Variants in PCDHGA2 observed in about 807,000 individuals in gnomAD.
PCDHGA2 encodes protocadherin gamma subfamily A, 2, also known as protocadherin gamma-A2.
PCDHGA2 carries 40 observed loss-of-function variants against 59.2 expected under a neutral mutation model. That is an observed-to-expected ratio of 0.68 (90% CI 0.52 to 0.88). The LOEUF (loss-of-function observed/expected upper bound fraction) is 0.88. Ranked by LOEUF, PCDHGA2 falls within the 40% of genes least tolerant of loss-of-function variation. The pLI, the probability that PCDHGA2 is intolerant of heterozygous loss-of-function variation, is 0.00. For missense variants in PCDHGA2, 1,226 were observed against 1,204.0 expected, an observed-to-expected ratio of 1.02 and a Z score of -0.27; for synonymous variants, 560 against 526.0, an observed-to-expected ratio of 1.06 and a Z score of -0.89.
intron 1 of PCDHGA2, chr5:141,384,650 C>T (rs1213467381): frequency 6.2e-7 from 1 of 1,614,104 alleles, no homozygotes; most frequent in East Asian, 2.2e-5. Context: ...TCCGCAGAGC[C>T]CGGCTACCTG....
Position 141,476,443 on chromosome 5 carries a change from G to A in PCDHGA2, c.2425-18364G>A, listed in dbSNP as rs752285213. 1 of 1,614,044 alleles carries A rather than the reference G, an allele frequency of 6.2e-7. No individual in the cohort carries two copies. The highest frequency in any genetic ancestry group is 8.5e-7 in the Non-Finnish European group (1 of 1,180,038). ...TGCCCTCTTGCACTGTAACTCTGGAGTTGGTAGTGGAGAACCCGCTGGAGC... is the reference window on the plus strand; with the variant it reads ...TGCCCTCTTGCACTGTAACTCTGGAATTGGTAGTGGAGAACCCGCTGGAGC... On this transcript the variant is annotated intron_variant, in intron 1 of 3. Transcript: ENST00000394576. This position sits in a 1 kb window ranked among gnomAD's most constrained non-coding sequence, Gnocchi z 7.6.
At chr5:141,473,169 C>T (rs141382764) in intron 1 of PCDHGA2, among the ~76,000 whole-genome samples, 2 of 152,286 alleles carry the variant, frequency 1.3e-5, no homozygotes, top group East Asian at 3.9e-4. Context: ...GGAAGGCCCA[C>T]TGGTAACTTG....
At chr5:141,492,404 T>C (rs944864208) in intron 1 of PCDHGA2, among the ~76,000 whole-genome samples, 9 of 152,316 alleles carry the variant, frequency 5.9e-5, no homozygotes, top group African/African-American at 1.9e-4. Context: ...GCAGCTCCCC[T>C]CTGCCGCTCC....
rs761489686 is a variant in PCDHGA2, at chr5:141,339,658, C to T, written c.687C>T (p.Cys229=). The T allele has an allele frequency of 1.2e-6, 2 of 1,614,170 alleles. No individual in the cohort carries two copies. The highest frequency in any genetic ancestry group is 1.1e-5 in the South Asian group (1 of 91,072). The change falls in exon 1 of 4, where the codon TGC becomes TGT. Residue 229 remains cysteine (C), a synonymous_variant. Coordinates refer to ENST00000394576, the MANE Select transcript of PCDHGA2 (RefSeq NM_018915.4). Reference sequence around the variant, plus strand: ...TGCTATCTGGCACCTCCCGCATCTGCGTGAAGGTCCTGGATGCGAACGACA... The same window carrying T: ...TGCTATCTGGCACCTCCCGCATCTGTGTGAAGGTCCTGGATGCGAACGACA... ...DPVLSGTSRI[C]VKVLDANDNA...
rs758674133 is a variant in PCDHGA2 at position 141,371,791 on chromosome 5, C to T, written c.2424+30396C>T. 1.9e-6 allele frequency: 3 copies of T among 1,613,820 alleles called. No homozygotes were observed. In the African/African-American group the frequency reaches 4.0e-5, roughly 22 times the overall value. The stretch of plus-strand genomic sequence containing the variant: ...ACCGTGCATGTAGCTGAGAACAATC[C>T]GCCTGGAGCCTCCATTGCGCATGTC... On this transcript the variant is annotated intron_variant, in intron 1 of 3. Coordinates refer to ENST00000394576, the MANE Select transcript of PCDHGA2 (RefSeq NM_018915.4).
intron 2 of PCDHGA2, among the ~76,000 whole-genome samples, chr5:141,498,789 C>T (rs1302940884): frequency 6.6e-6 from 1 of 151,980 alleles, no homozygotes; most frequent in Non-Finnish European, 1.5e-5. Context: ...AAATATTAGC[C>T]AGGTGTGGTG....
At chr5:141,382,816 T>G (rs1778462841) in intron 1 of PCDHGA2, 1 of 1,275,448 alleles carries the variant, frequency 7.8e-7, no homozygotes, top group Non-Finnish European at 1.1e-6. Context: ...CTCCCCTTCC[T>G]AAGACAGAGG....
At chr5:141,447,214 A>G (rs2098530358) in intron 1 of PCDHGA2, among the ~76,000 whole-genome samples, 1 of 152,092 alleles carries the variant, frequency 6.6e-6, no homozygotes, top group Admixed American at 6.6e-5. Context: ...ATCTCGGCTC[A>G]CTGCAACCTC....
intron 2 of PCDHGA2, among the ~76,000 whole-genome samples, chr5:141,495,175 C>A (rs1337353259): frequency 6.6e-6 from 1 of 152,300 alleles, no homozygotes; most frequent in Middle Eastern, 3.4e-3. Flanking sequence ...TGGGTGAAAG[C>A]GAGGCTTTCT....
intron 1 of PCDHGA2, chr5:141,385,194 G>A (rs1274561417): frequency 1.2e-6 from 2 of 1,614,124 alleles, no homozygotes; most frequent in Non-Finnish European, 1.7e-6. Flanking sequence ...ACTCTCGGAA[G>A]AGTCACCTGA....
chr5:141,419,809 A>G (rs1181621732), intron 1 of PCDHGA2: 2 of 1,613,916 alleles, frequency 1.2e-6, no homozygotes, highest in African/African-American at 2.7e-5. Flanking sequence ...GAGATGGAGG[A>G]CAGCCACCCC....
intron 2 of PCDHGA2, among the ~76,000 whole-genome samples, chr5:141,502,024 C>T (rs2099812413): frequency 2.0e-5 from 3 of 152,152 alleles, no homozygotes; most frequent in Admixed American, 1.3e-4. Context: ...TCCCTGCAAC[C>T]CCCGCCGCTT....
chr5:141,505,653 G>A (rs1049630228), intron 3 of PCDHGA2, among the ~76,000 whole-genome samples, 172 bp downstream of exon 3: 1 of 152,184 alleles, frequency 6.6e-6, no homozygotes, highest in Non-Finnish European at 1.5e-5. Context: ...TTGTGGCTAA[G>A]GAACAGCAGA....
chr5:141,405,815 T>C (rs755764286), intron 1 of PCDHGA2, among the ~76,000 whole-genome samples: 14 of 103,812 alleles, frequency 1.3e-4, no homozygotes, highest in Non-Finnish European at 2.3e-4. Flanking sequence ...TCTTTAACTG[T>C]CTGTACTTAA....
chr5:141,395,093 C>T (rs1372671941), intron 1 of PCDHGA2: 1 of 1,614,158 alleles, frequency 6.2e-7, no homozygotes, highest in Non-Finnish European at 8.5e-7. Flanking sequence ...TCTCCCTCAC[C>T]GCCGACTCGC....
intron 1 of PCDHGA2, among the ~76,000 whole-genome samples, chr5:141,472,648 C>G (rs762736307): frequency 1.3e-5 from 2 of 151,864 alleles, no homozygotes; most frequent in African/African-American, 4.8e-5. Flanking sequence ...TGTGTTGAAT[C>G]AGTATATAAA....
intron 1 of PCDHGA2, chr5:141,409,138 A>T: frequency 6.2e-7 from 1 of 1,614,046 alleles, no homozygotes; most frequent in South Asian, 1.1e-5. Context: ...TTGAAGATGT[A>T]GAAAGGTACA....
At position 141,491,518 on chromosome 5, in the gene PCDHGA2, A is replaced by G. The variant is rs756813813; in HGVS notation, c.2425-3289A>G. 3 of 1,613,990 alleles carry G rather than the reference A, an allele frequency of 1.9e-6. No individual in the cohort carries two copies. The highest frequency in any genetic ancestry group is 3.3e-5 in the Admixed American group (2 of 60,028). ...GAGCTCGGACGGCACGCTCAAGTAC[A>G]TGGAGGTGACGCTGCGGCCCACAGA... On this transcript the variant is annotated intron_variant, in intron 1 of 3. Transcript: ENST00000394576. This position sits in a 1 kb window ranked among gnomAD's most constrained non-coding sequence, Gnocchi z 6.9.
At chr5:141,392,010 A>T (rs949188518) in intron 1 of PCDHGA2, 1 of 152,234 alleles carries the variant, frequency 6.6e-6, no homozygotes, top group African/African-American at 2.4e-5. Context: ...TGCAATGGTA[A>T]AAGCATTTAT....
Sources: gnomAD v4.1 joint callset for allele counts (sites outside exome capture counted in the v4.1 genomes callset) on GRCh38, gnomAD v4.1.1 for gene constraint, Gnocchi (gnomAD v3.1) non-coding constraint, MANE v1.5 for transcripts, NCBI Gene and HGNC (gene_info 2026-07-23, HGNC 2026-07-21) for gene names.